The following AADACL4 variants were observed in gnomAD, a reference collection of about 807,000 sequenced individuals.
AADACL4 encodes arylacetamide deacetylase like 4.
In AADACL4, 9 loss-of-function variants were observed where a neutral mutation model predicts 14.1. The ratio of observed to expected loss-of-function variants is 0.64; its 90% CI spans 0.39 to 1.12. The LOEUF (loss-of-function observed/expected upper bound fraction) is 1.12, where lower values mean the gene tolerates loss of function less well. AADACL4 is among the 50% of genes most tolerant of loss of function. The pLI is 0.01. For synonymous variants in AADACL4, 188 were observed against 201.6 expected, an observed-to-expected ratio of 0.93 and a Z score of 0.57; for missense variants, 531 against 516.1, an observed-to-expected ratio of 1.03 and a Z score of -0.28.
At chr1:12,658,134 TCCTTC>T (rs1647196400) in intron 2 of AADACL4, among the ~76,000 whole-genome samples, 2 of 133,338 alleles carry the variant, frequency 1.5e-5, no homozygotes, top group African/African-American at 7.1e-5. Flanking sequence ...CTTCCTTCCT[TCCTTC>T]CTTTCTTTCT....
rs572265262 is a variant in AADACL4 at position 12,644,855 on chromosome 1, T to C, written c.168+141T>C. On this transcript the variant is annotated intron_variant, in intron 1 of 3. Transcript: ENST00000376221. ...AAGATAGACTTGTCTCTTCTGTATC[T>C]GCTATTCTGTTTGCCTCTCTCTTCC... is the stretch of plus-strand genomic sequence containing the variant. 2.2e-3 allele frequency: 2,090 copies of C among 941,050 alleles called. 3 individuals are homozygous for C. The highest frequency in any genetic ancestry group is 4.2e-3 in the Admixed American group (167 of 39,694). The allele number at this position is 941,050 out of a possible 1,614,324, so 58.3% of individuals were successfully genotyped here.
Position 12,655,062 on chromosome 1 carries a change from G to A in AADACL4, c.385+3723G>A, listed in dbSNP as rs187785901. ...ACATGTCAGTACATGTTATTCATCC[G>A]TTGTTGGGTCAGGGTCTCGCACATC... On this transcript the variant is annotated intron_variant, in intron 2 of 3. Transcript: ENST00000376221. 9.3e-4 allele frequency among the ~76,000 whole-genome samples: 142 copies of A among 152,264 alleles called. 2 individuals are homozygous for A. The highest frequency in any genetic ancestry group is 3.2e-3 in the African/African-American group (135 of 41,544).
intron 2 of AADACL4, among the ~76,000 whole-genome samples, chr1:12,658,141 T>TTCC (rs1491342008): frequency 7.7e-6 from 1 of 130,640 alleles, no homozygotes; most frequent in Admixed American, 7.2e-5. Context: ...CCTTCCTTCC[T>TTCC]TTCTTTCTTT....
chr1:12,648,441 G>C (rs1403187772), intron 1 of AADACL4, among the ~76,000 whole-genome samples: 1 of 150,656 alleles, frequency 6.6e-6, no homozygotes, highest in Non-Finnish European at 1.5e-5. Context: ...CTGTCGCCCA[G>C]GCTGAAGTGC....
At chr1:12,658,413 C>T (rs766214293) in intron 2 of AADACL4, among the ~76,000 whole-genome samples, 1 of 152,042 alleles carries the variant, frequency 6.6e-6, no homozygotes, top group African/African-American at 2.4e-5. Context: ...CGCGTGCCAC[C>T]ACACCTGGAT....
At chr1:12,662,121 A>T (rs567054161) in intron 3 of AADACL4, among the ~76,000 whole-genome samples, 1 of 152,354 alleles carries the variant, frequency 6.6e-6, no homozygotes, top group East Asian at 1.9e-4. Context: ...TTCCACAGCC[A>T]TTTAAATAAA....
intron 2 of AADACL4, among the ~76,000 whole-genome samples, chr1:12,656,405 G>A (rs1180958905): frequency 1.3e-5 from 2 of 152,174 alleles, no homozygotes; most frequent in South Asian, 2.1e-4. Flanking sequence ...GAAATGGGAA[G>A]GTCGAGAAGG....
chr1:12,658,404 G>A lies in AADACL4; in HGVS notation c.386-3387G>A, dbSNP rs150993303. Among the ~76,000 whole-genome samples the A allele has an allele frequency of 3.2e-3, 483 of 152,030 alleles. 2 individuals are homozygous for A. Among genetic ancestry groups the A allele is most frequent in the African/African-American group, 0.01 (434 of 41,424 alleles). On this transcript the variant is annotated intron_variant, in intron 2 of 3. Transcript: ENST00000376221. ...CTCCCAAGCAGCTGAGATTACAGGC[G>A]CGTGCCACCACACCTGGATAATTTT...
intron 3 of AADACL4, among the ~76,000 whole-genome samples, chr1:12,665,466 C>T (rs1570435682): frequency 6.6e-6 from 1 of 152,164 alleles, no homozygotes; most frequent in Non-Finnish European, 1.5e-5. Flanking sequence ...ACCTCGTGAT[C>T]CACCCGCCTT....
In AADACL4 at chr1:12,666,138, A is replaced by C. The variant is rs1647323672; in HGVS notation, c.627A>C (p.Arg209Ser). The C allele has an allele frequency of 2.5e-6, 4 of 1,614,240 alleles. No homozygotes were observed. Among genetic ancestry groups the C allele is most frequent in the Non-Finnish European group, 3.4e-6 (4 of 1,180,052 alleles). Residue 209 changes from arginine to serine, a missense_variant, in exon 4 of 4, where the codon AGA becomes AGC. Coordinates refer to ENST00000376221, the MANE Select transcript of AADACL4 (RefSeq NM_001013630.2). Reference protein sequence around the residue: ...VAAITQALVGRSDLPRIRAQV... With the variant: ...VAAITQALVGSSDLPRIRAQV... The stretch of plus-strand genomic sequence containing the variant: ...CCATCACCCAGGCCTTGGTGGGCAG[A>C]TCAGATCTTCCCCGGATCCGGGCTC...
intron 2 of AADACL4, 125 bp downstream of exon 2, chr1:12,651,464 C>T (rs940741330): frequency 1.4e-5 from 14 of 992,670 alleles, no homozygotes; most frequent in Non-Finnish European, 1.8e-5. Flanking sequence ...ATTTTTATAG[C>T]GTTAATAGCC....
Position 12,644,265 on chromosome 1 carries a change from T to C in AADACL4, c.-282T>C, listed in dbSNP as rs1035724890. 6.6e-6 allele frequency among the ~76,000 whole-genome samples: 1 copy of C among 152,210 alleles called. No individual in the cohort carries two copies. The highest frequency in any genetic ancestry group is 1.5e-5 in the Non-Finnish European group (1 of 68,038). On this transcript the variant is annotated 5_prime_UTR_variant, in exon 1 of 4. Transcript: ENST00000376221. The stretch of plus-strand genomic sequence containing the variant: ...AGCCGAGGTGCCCATCTGAGCCTGA[T>C]CTTCCTGAAATCTTTGGGAAGCTCA...
At chr1:12,656,516 C>A (rs971386029) in intron 2 of AADACL4, among the ~76,000 whole-genome samples, 13 of 152,094 alleles carry the variant, frequency 8.5e-5, no homozygotes, top group African/African-American at 3.1e-4. Context: ...AAAATAGGGA[C>A]CTTGAAGGGA....
chr1:12,666,296 C>T lies in AADACL4; in HGVS notation c.785C>T (p.Ser262Phe), dbSNP rs778451914. The change falls in exon 4 of 4, where the codon TCC becomes TTC. Residue 262 changes from serine (S) to phenylalanine (F), a missense_variant. By Grantham distance (155) the Ser-to-Phe change is radical. Transcript: ENST00000376221. ...TGTAACTATCTGGCCATTGACCTCTCCTGGCGTGACGCCATCTTGAACGGC... is the reference window on the plus strand; with the variant it reads ...TGTAACTATCTGGCCATTGACCTCTTCTGGCGTGACGCCATCTTGAACGGC... ...SLCNYLAIDLSWRDAILNGTC... is the reference protein window; with the variant it reads ...SLCNYLAIDLFWRDAILNGTC... 1.9e-6 allele frequency: 3 copies of T among 1,614,238 alleles called. No homozygotes were observed. The highest frequency in any genetic ancestry group is 1.6e-4 in the Middle Eastern group (1 of 6,062).
Position 12,666,002 on chromosome 1 carries a change from A to G in AADACL4, c.491A>G (p.Gln164Arg). The G allele has an allele frequency of 2.5e-6, 4 of 1,613,358 alleles. No homozygotes were observed. The highest frequency in any genetic ancestry group is 1.1e-5 in the South Asian group (1 of 91,040). Residue 164 changes from glutamine (Q) to arginine (R), a missense_variant, in exon 4 of 4, where the codon CAA (glutamine) becomes CGA (arginine). By Grantham distance (43) the Gln-to-Arg change is conservative (BLOSUM62 1). Transcript: ENST00000376221. ...LPDHHSPALFQDCMNASIHFL... is the reference protein window; with the variant it reads ...LPDHHSPALFRDCMNASIHFL... ...GACCACCATTCCCCTGCCCTTTTCC[A>G]AGACTGCATGAATGCCTCCATTCAC...
chr1:12,665,919 C>T, intron 3 of AADACL4, 42 bp from the exon 4 acceptor site: 1 of 1,544,962 alleles, frequency 6.5e-7, no homozygotes, highest in Non-Finnish European at 8.7e-7. Context: ...CCTAGCAACA[C>T]TGTCCACACT....
chr1:12,657,712 G>C (rs1475145825), intron 2 of AADACL4, among the ~76,000 whole-genome samples: 1 of 152,172 alleles, frequency 6.6e-6, no homozygotes, highest in Admixed American at 6.5e-5. Flanking sequence ...AGTTTTCTCA[G>C]AACTGTGGTG....
At chr1:12,652,930 C>G (rs537015489) in intron 2 of AADACL4, among the ~76,000 whole-genome samples, 5 of 152,332 alleles carry the variant, frequency 3.3e-5, no homozygotes, top group Admixed American at 1.3e-4. Flanking sequence ...TCAACAATTT[C>G]CTTTTGCTAG....
intron 1 of AADACL4, among the ~76,000 whole-genome samples, chr1:12,645,453 C>T (rs1053430824): frequency 2.6e-5 from 4 of 151,478 alleles, no homozygotes; most frequent in East Asian, 1.9e-4. Context: ...TTCCTGCCTT[C>T]CCCGGGCTTG....
Sources: gnomAD v4.1 joint callset for allele counts (sites outside exome capture counted in the v4.1 genomes callset) on GRCh38, gnomAD v4.1.1 for gene constraint, MANE v1.5 for transcripts, NCBI Gene and HGNC (gene_info 2026-07-23, HGNC 2026-07-21) for gene names.